PTPRT: variants seen among roughly 807,000 people sequenced by gnomAD.
PTPRT encodes protein tyrosine phosphatase receptor type T, also known as receptor-type tyrosine-protein phosphatase T.
A neutral mutation model predicts 176.8 loss-of-function variants in PTPRT; 56 were observed. That is an observed-to-expected ratio of 0.32 (90% confidence interval 0.26 to 0.40). The LOEUF (loss-of-function observed/expected upper bound fraction) is 0.40. PTPRT is among the 10% of genes least tolerant of loss of function. The pLI, the probability that PTPRT is intolerant of heterozygous loss-of-function variation, is 1.00. For missense variants in PTPRT, 1,540 were observed against 1,908.2 expected (o/e 0.81, Z 3.60); for synonymous variants, 783 against 739.0 (o/e 1.06, Z -0.96).
At chr20:43,050,858 T>C in intron 1 of PTPRT, among the ~76,000 whole-genome samples, 1 of 152,212 alleles carries the variant, frequency 6.6e-6, no homozygotes, top group East Asian at 1.9e-4. Context: ...GGCCTCAAGC[T>C]TGACCAATCA....
intron 1 of PTPRT, among the ~76,000 whole-genome samples, chr20:42,944,425 T>C (rs1049782803): frequency 2.0e-5 from 3 of 152,310 alleles, no homozygotes; most frequent in African/African-American, 7.2e-5. Flanking sequence ...CACCAGTGCC[T>C]GCACTGGCCT....
chr20:42,202,773 T>C (rs1991504373), intron 15 of PTPRT, among the ~76,000 whole-genome samples: 1 of 152,182 alleles, frequency 6.6e-6, no homozygotes, highest in Non-Finnish European at 1.5e-5. Flanking sequence ...GCTTTGATAT[T>C]TCCTTAGGGG....
chr20:42,371,286 T>C (rs534692378), intron 9 of PTPRT, among the ~76,000 whole-genome samples: 2 of 152,308 alleles, frequency 1.3e-5, no homozygotes, highest in South Asian at 2.1e-4. Flanking sequence ...ACATTTTCTT[T>C]GTGACTCAGA....
chr20:42,999,465 T>C (rs1328895619), intron 1 of PTPRT, among the ~76,000 whole-genome samples: 2 of 151,472 alleles, frequency 1.3e-5, no homozygotes, highest in African/African-American at 4.9e-5. Flanking sequence ...AAAATGCTTC[T>C]GAGGGGTGGG....
chr20:42,546,825 TACA>T (rs1307027629), intron 7 of PTPRT, among the ~76,000 whole-genome samples: 8 of 152,136 alleles, frequency 5.3e-5, no homozygotes, highest in Admixed American at 5.2e-4. Flanking sequence ...TCAGAACACA[TACA>T]ACATTTACCC....
At chr20:42,250,633 T>C (rs958090179) in intron 13 of PTPRT, among the ~76,000 whole-genome samples, 1 of 152,246 alleles carries the variant, frequency 6.6e-6, no homozygotes, top group Non-Finnish European at 1.5e-5. Context: ...ATCTCTCTAA[T>C]GCCAGTGTCT....
chr20:42,313,643 G>A (rs1010533925), intron 12 of PTPRT, among the ~76,000 whole-genome samples: 11 of 152,172 alleles, frequency 7.2e-5, no homozygotes, highest in African/African-American at 2.7e-4. Context: ...CCAAGAGCAG[G>A]GAAAGCCACA....
chr20:42,655,358 G>A (rs537305588), intron 7 of PTPRT, among the ~76,000 whole-genome samples: 1 of 152,272 alleles, frequency 6.6e-6, no homozygotes, highest in South Asian at 2.1e-4. Context: ...GGGCATGGTA[G>A]TGCACCCCTG....
intron 7 of PTPRT, among the ~76,000 whole-genome samples, chr20:42,586,721 C>A (rs1195854991): frequency 6.6e-6 from 1 of 152,152 alleles, no homozygotes; most frequent in African/African-American, 2.4e-5. Context: ...CATCCTGTTC[C>A]CACCTTGCTT....
chr20:42,738,800 A>C (rs1466754954), intron 6 of PTPRT, among the ~76,000 whole-genome samples: 1 of 152,032 alleles, frequency 6.6e-6, no homozygotes, highest in Non-Finnish European at 1.5e-5. Context: ...GGCTGGGCAC[A>C]GTGGCTCACG....
At chr20:42,298,311 G>A (rs1600799915) in intron 12 of PTPRT, among the ~76,000 whole-genome samples, 1 of 152,250 alleles carries the variant, frequency 6.6e-6, no homozygotes, top group African/African-American at 2.4e-5. Flanking sequence ...TTTCTTACAT[G>A]TAAGTGTGAC....
chr20:42,300,905 C>T (rs952544387), intron 12 of PTPRT, among the ~76,000 whole-genome samples: 5 of 125,150 alleles, frequency 4.0e-5, no homozygotes, highest in African/African-American at 1.6e-4. Context: ...GGGAATTGAA[C>T]AATGAGAACA....
intron 2 of PTPRT, among the ~76,000 whole-genome samples, chr20:42,849,452 A>C (rs1431177903): frequency 6.6e-6 from 1 of 152,228 alleles, no homozygotes; most frequent in Non-Finnish European, 1.5e-5. Context: ...GGGAAAGTGG[A>C]AACAGATCAG....
chr20:42,709,445 T>C (rs932632374), intron 6 of PTPRT, among the ~76,000 whole-genome samples: 25 of 152,202 alleles, frequency 1.6e-4, no homozygotes, highest in African/African-American at 5.8e-4. Flanking sequence ...CTCCCTTTCT[T>C]GCCATGTGAC....
rs766696339 is a variant in PTPRT, at chr20:42,128,850, C to T, written c.2771-20G>A. On this transcript the variant is annotated intron_variant, in intron 18 of 30. Coordinates refer to ENST00000373187, the MANE Select transcript of PTPRT (RefSeq NM_007050.6). ...GGTCGTCTGCAGAGAGAGCAGAAAT[C>T]AAGGGGATGGTTGATAAGAGGCCTT... 59 of 1,590,800 alleles carry T rather than the reference C, an allele frequency of 3.7e-5. No individual in the cohort carries two copies. In the South Asian group the frequency reaches 5.5e-4, roughly 15 times the overall value.
At chr20:42,056,177 T>A in the PTPRT span, among the ~76,000 whole-genome samples, 1 of 152,110 alleles carries the variant, frequency 6.6e-6, no homozygotes, top group Non-Finnish European at 1.5e-5. Context: ...CCAATAAGGG[T>A]GTTTCTTTTC....
At chr20:43,047,273 G>A (rs984531620) in intron 1 of PTPRT, among the ~76,000 whole-genome samples, 1 of 152,046 alleles carries the variant, frequency 6.6e-6, no homozygotes, top group African/African-American at 2.4e-5. Flanking sequence ...GTCATCTCCA[G>A]GGGAGTTTTG....
intron 12 of PTPRT, among the ~76,000 whole-genome samples, chr20:42,313,015 C>T (rs139085091): frequency 1.9e-4 from 29 of 151,924 alleles, no homozygotes; most frequent in African/African-American, 5.8e-4. Context: ...GATAGGAAGT[C>T]GGTACAAGAT....
intron 15 of PTPRT, among the ~76,000 whole-genome samples, chr20:42,201,947 T>TTGTGTGTGTGTG (rs1189357177): frequency 1.0e-4 from 6 of 58,056 alleles, no homozygotes; most frequent in African/African-American, 2.8e-4. Flanking sequence ...AAGAGAAAAG[T>TTGTGTGTGTGTG]TGCGTGTGTG....
Sources: allele counts gnomAD v4.1 joint callset (sites outside exome capture counted in the v4.1 genomes callset), GRCh38; gene constraint gnomAD v4.1.1; transcripts MANE v1.5; gene names NCBI Gene and HGNC (gene_info 2026-07-23, HGNC 2026-07-21).